Variants in NLE1 observed in about 807,000 individuals in gnomAD.
The protein encoded by NLE1 is notchless homolog 1.
In NLE1, 37 loss-of-function variants were observed where a neutral mutation model predicts 62.8. The ratio of observed to expected loss-of-function variants is 0.59; its 90% CI spans 0.45 to 0.78. NLE1 has a LOEUF of 0.78. Among genes scored for constraint, NLE1 ranks in the 30% least tolerant of loss-of-function variants. NLE1 has a pLI of 0.00. For missense variants in NLE1, 555 were observed against 637.9 expected, an observed-to-expected ratio of 0.87 and a Z score of 1.40; for synonymous variants, 243 against 253.0, an observed-to-expected ratio of 0.96 and a Z score of 0.37.
At position 35,142,267 on chromosome 17, in the gene NLE1, T is replaced by A; in HGVS notation, c.9A>T (p.Ala3=). 1 of 1,543,752 alleles carries A rather than the reference T, an allele frequency of 6.5e-7. No individual in the cohort carries two copies. The highest frequency in any genetic ancestry group is 8.7e-7 in the Non-Finnish European group (1 of 1,147,590). ...ATCCACGCACACCCACCGGCACTGC[T>A]GCCGCCATCCTGCGTCCCCACGTGG... The part of the protein sequence containing the change: MA[A]AVPDEAVARD... Residue 3 remains alanine, a synonymous_variant, in exon 1 of 13, where the codon GCA becomes GCT. Coordinates refer to ENST00000442241, the MANE Select transcript of NLE1 (RefSeq NM_018096.5).
At chr17:35,135,063 AAAAC>A (rs202154326) in intron 10 of NLE1, 182 bp downstream of exon 10, 92 of 693,024 alleles carry the variant, frequency 1.3e-4, no homozygotes, top group East Asian at 1.7e-4. Flanking sequence ...GTCATCTCTA[AAAAC>A]AAACAAACAA....
rs2091860856 is a variant in NLE1 at position 35,129,057 on chromosome 17, G to A, written c.*3380C>T. On this transcript the variant is annotated 3_prime_UTR_variant, in exon 13 of 13. Transcript: ENST00000442241. ...GTGGTACCCTGAGCCGTGGGGAGCA[G>A]CTGTAAATACAGATGAAGCTTCGCT... 1 of 218,696 alleles carries A rather than the reference G, an allele frequency of 4.6e-6. No individual in the cohort carries two copies. Among genetic ancestry groups the A allele is most frequent in the Non-Finnish European group, 9.3e-6 (1 of 107,700 alleles). The allele number at this position is 218,696 out of a possible 1,614,324, so 13.5% of individuals were successfully genotyped here.
intron 12 of NLE1, among the ~76,000 whole-genome samples, 195 bp from the exon 13 acceptor site, chr17:35,132,644 A>G (rs2091883372): frequency 1.3e-5 from 2 of 152,124 alleles, no homozygotes; most frequent in East Asian, 1.9e-4. Flanking sequence ...ACCTCCACCC[A>G]GGGCCTGGCC....
At chr17:35,141,224 C>T (rs1265268364) in intron 2 of NLE1, among the ~76,000 whole-genome samples, 2 of 152,200 alleles carry the variant, frequency 1.3e-5, no homozygotes, top group Non-Finnish European at 2.9e-5. Flanking sequence ...GTCCCCAGGG[C>T]AGCTCTTCAG....
intron 4 of NLE1, 99 bp downstream of exon 4, chr17:35,139,136 T>C (rs1230000307): frequency 9.9e-7 from 1 of 1,010,216 alleles, no homozygotes; most frequent in Non-Finnish European, 1.5e-6. Flanking sequence ...GGAGTTCAAG[T>C]GAGCTGTGAC....
At chr17:35,141,069 T>C (rs942478262) in intron 2 of NLE1, among the ~76,000 whole-genome samples, 1 of 152,214 alleles carries the variant, frequency 6.6e-6, no homozygotes, top group Non-Finnish European at 1.5e-5. Context: ...TATGCAGTGT[T>C]TCCCAAACTA....
At chr17:35,132,508 A>G in intron 12 of NLE1, 59 bp from the exon 13 acceptor site, 1 of 1,296,046 alleles carries the variant, frequency 7.7e-7, no homozygotes, top group Non-Finnish European at 1.0e-6. Context: ...GGAGGCCGTC[A>G]TATAATCCCA....
In NLE1 at chr17:35,129,305, TG is replaced by T; in HGVS notation, c.*3131del. ...CCTTGCACCTTCCATCTGACCTGCC[TG>T]GGCCCCAGCAGGAGCAGGGGATGGG... On this transcript the variant is annotated 3_prime_UTR_variant, in exon 13 of 13. Coordinates refer to ENST00000442241, the MANE Select transcript of NLE1 (RefSeq NM_018096.5). The T allele has an allele frequency of 2.2e-6, 3 of 1,346,166 alleles. No individual in the cohort carries two copies. The highest frequency in any genetic ancestry group is 2.1e-6 in the Non-Finnish European group (2 of 973,706). 83.4% of individuals were successfully genotyped at this position (1,346,166 alleles called of 1,614,324 possible). A position where few individuals can be genotyped will look rare whatever the true frequency, so the allele number is the denominator to read the frequency against.
rs1442663992 is a variant in NLE1 at position 35,137,070 on chromosome 17, C to T, written c.759G>A (p.Arg253=). The change falls in exon 7 of 13, where the codon CGG becomes CGA. Residue 253 remains arginine (R), a synonymous_variant. Coordinates refer to ENST00000442241, the MANE Select transcript of NLE1 (RefSeq NM_018096.5). The stretch of plus-strand genomic sequence containing the variant: ...AGTAGAGAAGCCCGTCCCCTCCCCA[C>T]CGGAGACAGGTGACCGACTGGGTGT... ...TGHTQSVTCL[R]WGGDGLLYSA... The T allele has an allele frequency of 6.8e-6, 11 of 1,614,082 alleles. No homozygotes were observed. Among genetic ancestry groups the T allele is most frequent in the African/African-American group, 1.3e-5 (1 of 75,022 alleles).
chr17:35,137,932 C>CT (rs1567746577), intron 4 of NLE1, 42 bp from the exon 5 acceptor site: 1 of 1,504,764 alleles, frequency 6.6e-7, no homozygotes, highest in Non-Finnish European at 9.2e-7. Context: ...CTACATCTGT[C>CT]TTTATCCCAA....
chr17:35,134,376 T>C (rs182212467), intron 10 of NLE1, among the ~76,000 whole-genome samples: 1 of 151,744 alleles, frequency 6.6e-6, no homozygotes, highest in Admixed American at 6.6e-5. Flanking sequence ...AGCTCTAAGA[T>C]CACTTCTCTC....
At chr17:35,141,092 A>G (rs1278256025) in intron 2 of NLE1, among the ~76,000 whole-genome samples, 2 of 152,198 alleles carry the variant, frequency 1.3e-5, no homozygotes, top group African/African-American at 4.8e-5. Flanking sequence ...ACACTACACT[A>G]TATTTGTGTA....
rs763993000 is a variant in NLE1, at chr17:35,130,424, T to A, written c.*2013A>T. The A allele has an allele frequency of 6.2e-7, 1 of 1,613,812 alleles. No homozygotes were observed. Among genetic ancestry groups the A allele is most frequent in the South Asian group, 1.1e-5 (1 of 91,080 alleles). ...AGGCTGGAGGATCTGGAATACCTAT[T>A]TCCCTGTTAAGGGGGAGGGCCCCAG... On this transcript the variant is annotated 3_prime_UTR_variant, in exon 13 of 13. Transcript: ENST00000442241.
In NLE1 at chr17:35,139,283, C is replaced by T. The variant is rs761395160; in HGVS notation, c.412G>A (p.Val138Met). 5.5e-5 allele frequency: 88 copies of T among 1,613,846 alleles called. No homozygotes were observed. Among genetic ancestry groups the T allele is most frequent in the Non-Finnish European group, 6.1e-5 (72 of 1,179,924 alleles). The change falls in exon 4 of 13, where the codon GTG (valine) becomes ATG (methionine). Residue 138 changes from valine (V) to methionine (M), a missense_variant. Coordinates refer to ENST00000442241, the MANE Select transcript of NLE1 (RefSeq NM_018096.5). ...YLASGSGDTT[V>M]RFWDLSTETP... ...TCTGTGCTGAGATCCCAGAAGCGCA[C>T]GGTGGTGTCTCCAGAGCCACTGGCC...
intron 12 of NLE1, among the ~76,000 whole-genome samples, 158 bp downstream of exon 12, chr17:35,133,013 C>G (rs2091886173): frequency 6.6e-6 from 1 of 152,126 alleles, no homozygotes; most frequent in South Asian, 2.1e-4. Context: ...GTGGCCCTCC[C>G]ACTTGCCCAC....
At position 35,142,297 on chromosome 17, in the gene NLE1, G is replaced by A. The variant is rs2142513032; in HGVS notation, c.-22C>T. ...CCATCCTGCGTCCCCACGTGGAGGA[G>A]AAAGAGCCCGGCAGACAGAGCGCCG... On this transcript the variant is annotated 5_prime_UTR_variant, in exon 1 of 13. Coordinates refer to ENST00000442241, the MANE Select transcript of NLE1 (RefSeq NM_018096.5). 2 of 1,536,340 alleles carry A rather than the reference G, an allele frequency of 1.3e-6. No homozygotes were observed. The highest frequency in any genetic ancestry group is 1.7e-6 in the Non-Finnish European group (2 of 1,144,372).
At chr17:35,133,576 T>C in intron 10 of NLE1, 78 bp from the exon 11 acceptor site, 1 of 1,368,366 alleles carries the variant, frequency 7.3e-7, no homozygotes, top group Non-Finnish European at 1.0e-6. Flanking sequence ...CCTACGCTCA[T>C]GGCAGTGGTT....
At position 35,142,106 on chromosome 17, in the gene NLE1, C is replaced by T. The variant is rs930260650; in HGVS notation, c.35G>A (p.Arg12His). 1.4e-5 allele frequency: 22 copies of T among 1,611,664 alleles called. No individual in the cohort carries two copies. The highest frequency in any genetic ancestry group is 1.8e-5 in the Non-Finnish European group (21 of 1,179,600). ...AAAVPDEAVARDVQRLLVQFQ... is the reference protein window; with the variant it reads ...AAAVPDEAVAHDVQRLLVQFQ... ...CTGCACTAGCAACCGCTGCACATCG[C>T]GCGCCACCGCCTCGTCCTGCGCGAG... Residue 12 changes from arginine to histidine, a missense_variant, in exon 2 of 13, where the codon CGC (arginine) becomes CAC (histidine). By Grantham distance (29) the Arg-to-His change is conservative. Coordinates refer to ENST00000442241, the MANE Select transcript of NLE1 (RefSeq NM_018096.5).
intron 4 of NLE1, among the ~76,000 whole-genome samples, chr17:35,138,545 G>A (rs1449316495): frequency 6.6e-6 from 1 of 152,150 alleles, no homozygotes; most frequent in East Asian, 1.9e-4. Context: ...CTAGATTCGA[G>A]CAATTCTTCT....
Sources: allele counts gnomAD v4.1 joint callset (sites outside exome capture counted in the v4.1 genomes callset), GRCh38; gene constraint gnomAD v4.1.1; transcripts MANE v1.5; gene names NCBI Gene and HGNC (gene_info 2026-07-23, HGNC 2026-07-21).